The following VPS25 variants were observed in gnomAD, a reference collection of about 807,000 sequenced individuals.
VPS25 encodes the protein vacuolar protein-sorting-associated protein 25.
In VPS25, 21 loss-of-function variants were observed where a neutral mutation model predicts 30.3. That is an observed-to-expected ratio of 0.69 (90% CI 0.49 to 1.00). VPS25 has a LOEUF of 1.00. Ranked by LOEUF, VPS25 falls within the 50% of genes least tolerant of loss-of-function variation. The pLI, the probability that VPS25 is intolerant of heterozygous loss-of-function variation, is 0.00. For synonymous variants in VPS25, 101 were observed against 88.1 expected (o/e 1.15, Z -0.82); for missense variants, 156 against 217.2 (o/e 0.72, Z 1.77).
chr17:42,773,658 T>A (rs895226906), intron 1 of VPS25, 75 bp from the exon 2 acceptor site: 2 of 1,605,086 alleles, frequency 1.2e-6, no homozygotes, highest in Admixed American at 3.3e-5. Context: ...TCCCTTACTT[T>A]CTTCCTGAAA....
chr17:42,779,374 T>G lies in VPS25; in HGVS notation c.*305T>G. On this transcript the variant is annotated 3_prime_UTR_variant, in exon 6 of 6. Coordinates refer to ENST00000253794, the MANE Select transcript of VPS25 (RefSeq NM_032353.4). ...CTTTATATGTGTTCACACATGTAAG[T>G]ACATACACACATGCGCCTGCAGCAC... The G allele has an allele frequency of 1.0e-5, 3 of 298,648 alleles. No homozygotes were observed. The South Asian group carries it at 1.1e-4, about 11-fold the overall frequency. The allele number at this position is 298,648 out of a possible 1,614,324, so 18.5% of individuals were successfully genotyped here.
chr17:42,773,965 C>G (rs1404585633), intron 2 of VPS25, 87 bp downstream of exon 2: 1 of 1,487,208 alleles, frequency 6.7e-7, no homozygotes, highest in East Asian at 2.3e-5. Flanking sequence ...CGCCAGCCCC[C>G]TTTTACCCAT....
In VPS25 at chr17:42,774,386, T is replaced by A. The variant is rs1229740720; in HGVS notation, c.200-260T>A. On this transcript the variant is annotated intron_variant, in intron 2 of 5. Transcript: ENST00000253794. ...CTTCTTTCTTTCTTTTTTTTTTTTT[T>A]TTTTGGAGACAGGGTCTTCCTCTCT... The A allele has an allele frequency of 8.4e-6, 3 of 357,704 alleles. No individual in the cohort carries two copies. In the Admixed American group the frequency reaches 1.4e-4, roughly 16 times the overall value. 22.2% of individuals were successfully genotyped at this position (357,704 alleles called of 1,614,324 possible). A position where few individuals can be genotyped will look rare whatever the true frequency, so the allele number is the denominator to read the frequency against.
chr17:42,776,663 G>GTTT (rs1205721262), intron 5 of VPS25, among the ~76,000 whole-genome samples: 3 of 120,952 alleles, frequency 2.5e-5, no homozygotes, highest in Admixed American at 8.6e-5. Context: ...TGCCCCGCCT[G>GTTT]TTTTTTTTTT....
chr17:42,774,643 C>G lies in VPS25; in HGVS notation c.200-3C>G. 1.2e-6 allele frequency: 2 copies of G among 1,612,232 alleles called. No homozygotes were observed. Among genetic ancestry groups the G allele is most frequent in the Non-Finnish European group, 1.7e-6 (2 of 1,178,624 alleles). On this transcript the variant is annotated splice_region_variant and splice_polypyrimidine_tract_variant and intron_variant, in intron 2 of 5. Transcript: ENST00000253794. ...GTATGCCGTTCCCTTAACCTTAAAC[C>G]AGGAAAGCTTCCTGTGGAGTCGATC...
chr17:42,776,394 G>T (rs1372513029), intron 5 of VPS25, 74 bp downstream of exon 5: 6 of 1,420,414 alleles, frequency 4.2e-6, no homozygotes, highest in Non-Finnish European at 4.9e-6. Context: ...ATGGAGTCTT[G>T]CTCTGTCACC....
At chr17:42,776,172 G>A in intron 4 of VPS25, 73 bp from the exon 5 acceptor site, 1 of 1,316,486 alleles carries the variant, frequency 7.6e-7, no homozygotes, top group Non-Finnish European at 1.1e-6. Flanking sequence ...GATCAGAGGG[G>A]TGGAGCTGAT....
rs2054427417 is a variant in VPS25 at position 42,774,713 on chromosome 17, C to T, written c.253+14C>T. The stretch of plus-strand genomic sequence containing the variant: ...TGAGGAAGAAAGGTGGGTTCAGTTC[C>T]CCAGATTCCTTATTTTTCTTCCTAG... On this transcript the variant is annotated intron_variant, in intron 3 of 5. Coordinates refer to ENST00000253794, the MANE Select transcript of VPS25 (RefSeq NM_032353.4). The T allele has an allele frequency of 1.2e-6, 2 of 1,608,938 alleles. No individual in the cohort carries two copies. The highest frequency in any genetic ancestry group is 8.5e-7 in the Non-Finnish European group (1 of 1,176,426).
chr17:42,775,963 T>C (rs1025484914), intron 4 of VPS25, among the ~76,000 whole-genome samples: 2 of 152,122 alleles, frequency 1.3e-5, no homozygotes, highest in Admixed American at 1.3e-4. Flanking sequence ...ATATAACAAA[T>C]ACACACCATC....
chr17:42,775,337 C>T, intron 3 of VPS25, 44 bp from the exon 4 acceptor site: 1 of 1,542,918 alleles, frequency 6.5e-7, no homozygotes, highest in East Asian at 2.3e-5. Context: ...AAAGTGTAAG[C>T]CACTGCGCGC....
At chr17:42,776,663 GTT>G (rs1205721262) in intron 5 of VPS25, among the ~76,000 whole-genome samples, 7 of 120,944 alleles carry the variant, frequency 5.8e-5, no homozygotes, top group Admixed American at 8.6e-5. Context: ...TGCCCCGCCT[GTT>G]TTTTTTTTTT....
At chr17:42,776,875 T>C (rs950118838) in intron 5 of VPS25, among the ~76,000 whole-genome samples, 2 of 152,192 alleles carry the variant, frequency 1.3e-5, no homozygotes, top group African/African-American at 4.8e-5. Context: ...TAGGGATAGA[T>C]TAGATATTAC....
intron 3 of VPS25, 79 bp from the exon 4 acceptor site, chr17:42,775,302 A>G: frequency 9.0e-7 from 1 of 1,108,938 alleles, no homozygotes; most frequent in South Asian, 1.3e-5. Flanking sequence ...CCTGGGCTCA[A>G]GCAGTCCTCC....
chr17:42,776,383 T>G, intron 5 of VPS25, 63 bp downstream of exon 5: 1 of 1,494,780 alleles, frequency 6.7e-7, no homozygotes, highest in Non-Finnish European at 9.2e-7. Context: ...GTTTTTCCGA[T>G]ATGGAGTCTT....
chr17:42,777,358 T>C (rs949196199), intron 5 of VPS25, among the ~76,000 whole-genome samples: 2 of 152,080 alleles, frequency 1.3e-5, no homozygotes, highest in African/African-American at 4.8e-5. Context: ...CTACTAAAAA[T>C]ACAAAAATTA....
chr17:42,775,326 C>T lies in VPS25; in HGVS notation c.254-55C>T, dbSNP rs947793229. The T allele has an allele frequency of 2.2e-5, 33 of 1,479,000 alleles. No individual in the cohort carries two copies. The South Asian group carries it at 2.9e-4, about 13-fold the overall frequency. The allele number at this position is 1,479,000 out of a possible 1,614,324, so 91.6% of individuals were successfully genotyped here. On this transcript the variant is annotated intron_variant, in intron 3 of 5. Transcript: ENST00000253794. ...AAGCAGTCCTCCCGCCTTGGCCTCC[C>T]AAAGTGTAAGCCACTGCGCGCCTGG...
intron 3 of VPS25, chr17:42,774,923 G>A: frequency 2.1e-6 from 1 of 475,690 alleles, no homozygotes; most frequent in African/African-American, 1.9e-5. Flanking sequence ...GAAGAAGGAT[G>A]AGTGCCTTGT....
chr17:42,775,210 T>A (rs1310152066), intron 3 of VPS25, 171 bp from the exon 4 acceptor site: 10 of 565,380 alleles, frequency 1.8e-5, no homozygotes, highest in Non-Finnish European at 2.5e-5. Flanking sequence ...CACACCTGGC[T>A]AATTTTTTGT....
chr17:42,773,582 C>G, intron 1 of VPS25, 54 bp downstream of exon 1: 3 of 1,613,728 alleles, frequency 1.9e-6, no homozygotes, highest in Non-Finnish European at 2.5e-6. Context: ...TCCCCCGGAC[C>G]CTGGGCTCAG....
Sources: gnomAD v4.1 joint callset for allele counts (sites outside exome capture counted in the v4.1 genomes callset) on GRCh38, gnomAD v4.1.1 for gene constraint, MANE v1.5 for transcripts, NCBI Gene and HGNC (gene_info 2026-07-23, HGNC 2026-07-21) for gene names.